The following ARFGEF1 variants were observed in gnomAD, a reference collection of about 807,000 sequenced individuals.
The protein encoded by ARFGEF1 is ARF guanine nucleotide exchange factor 1.
A neutral mutation model predicts 231.0 loss-of-function variants in ARFGEF1; 42 were observed. The ratio of observed to expected loss-of-function variants is 0.18; its 90% CI spans 0.14 to 0.24. ARFGEF1 has a LOEUF of 0.24. ARFGEF1 is among the 10% of genes least tolerant of loss of function. The pLI is 1.00. For synonymous variants in ARFGEF1, 710 were observed against 732.3 expected, an observed-to-expected ratio of 0.97 and a Z score of 0.49; for missense variants, 1,345 against 2,192.0, an observed-to-expected ratio of 0.61 and a Z score of 7.72.
chr8:67,221,852 C>T (rs1250275403), intron 29 of ARFGEF1, among the ~76,000 whole-genome samples: 2 of 149,022 alleles, frequency 1.3e-5, no homozygotes, highest in Admixed American at 6.7e-5. Flanking sequence ...CTTGCTCTGT[C>T]GCCCAGGCTG....
At chr8:67,184,185 T>C (rs1013470931) in intron 5 of ARFGEF1, among the ~76,000 whole-genome samples, 6 of 152,168 alleles carry the variant, frequency 3.9e-5, no homozygotes, top group Admixed American at 1.3e-4. Flanking sequence ...TGCTTAAATT[T>C]ATAGGATTGA....
intron 1 of ARFGEF1, among the ~76,000 whole-genome samples, chr8:67,303,575 C>T (rs1459484294): frequency 6.6e-6 from 1 of 151,932 alleles, no homozygotes; most frequent in Non-Finnish European, 1.5e-5. Context: ...GCCAGGCGTG[C>T]TGGTGGTGCG....
chr8:67,314,714 G>A (rs557009507), intron 1 of ARFGEF1, among the ~76,000 whole-genome samples: 3 of 151,038 alleles, frequency 2.0e-5, no homozygotes, highest in Non-Finnish European at 4.4e-5. Flanking sequence ...GTTTGTTCTT[G>A]CAGTCGATCT....
In ARFGEF1 at chr8:67,180,780, C is replaced by G. The variant is rs530164582; in HGVS notation, c.561-5208G>C. Among the ~76,000 whole-genome samples the G allele has an allele frequency of 3.3e-4, 50 of 151,962 alleles. No homozygotes were observed. In the South Asian group the frequency reaches 8.7e-3, roughly 27 times the overall value. On this transcript the variant is annotated intron_variant, in intron 5 of 5. Transcript: ENST00000518789. ...ATTATTTTAATCTATTTATAGTTCT[C>G]TTAATATTTCAGTCAAAAAAGTCAT...
intron 1 of ARFGEF1, among the ~76,000 whole-genome samples, chr8:67,327,917 GTTA>G (rs1271478038): frequency 4.6e-5 from 7 of 151,972 alleles, no homozygotes; most frequent in Admixed American, 6.6e-5. Context: ...GACTACTTGA[GTTA>G]TTTTCATTTT....
At position 67,251,467 on chromosome 8, in the gene ARFGEF1, T is replaced by C. The variant is rs762747418; in HGVS notation, c.2699-17A>G. 6.4e-7 allele frequency: 1 copy of C among 1,560,528 alleles called. No homozygotes were observed. The highest frequency in any genetic ancestry group is 1.2e-5 in the South Asian group (1 of 82,786). ...TGGCTACATCTGAAACAATAAACACTATCAGCATTTTAAATATAAAACATT... is the reference window on the plus strand; with the variant it reads ...TGGCTACATCTGAAACAATAAACACCATCAGCATTTTAAATATAAAACATT... On this transcript the variant is annotated splice_polypyrimidine_tract_variant and intron_variant, in intron 18 of 38. Coordinates refer to ENST00000262215, the MANE Select transcript of ARFGEF1 (RefSeq NM_006421.5).
intron 5 of ARFGEF1, among the ~76,000 whole-genome samples, chr8:67,294,228 C>A (rs1025867350): frequency 1.3e-5 from 2 of 152,078 alleles, no homozygotes; most frequent in African/African-American, 4.8e-5. Flanking sequence ...ACTTGAGTAT[C>A]CACAGATTTT....
At chr8:67,303,995 C>T (rs1162926796) in intron 1 of ARFGEF1, among the ~76,000 whole-genome samples, 4 of 152,252 alleles carry the variant, frequency 2.6e-5, no homozygotes, top group East Asian at 3.9e-4. Flanking sequence ...ATGGCTTGGA[C>T]GTATGGCTAA....
chr8:67,203,438 A>G (rs1423323155), intron 35 of ARFGEF1, among the ~76,000 whole-genome samples, 187 bp from the exon 36 acceptor site: 1 of 152,152 alleles, frequency 6.6e-6, no homozygotes, highest in Non-Finnish European at 1.5e-5. Context: ...ACCACCTCCC[A>G]TTAGTCCAGA....
At chr8:67,298,343 A>G (rs117685159) in intron 4 of ARFGEF1, among the ~76,000 whole-genome samples, 2,703 of 152,316 alleles carry the variant, frequency 0.018, 39 homozygotes, top group Admixed American at 0.043. Flanking sequence ...CAGAATGAAA[A>G]CATTACTAAT....
chr8:67,326,216 TAAAAG>T (rs1807826523), intron 1 of ARFGEF1, among the ~76,000 whole-genome samples: 1 of 151,488 alleles, frequency 6.6e-6, no homozygotes, highest in Admixed American at 6.6e-5. Flanking sequence ...AAAAAAGAAA[TAAAAG>T]AAAAAGAACA....
downstream of ARFGEF1, among the ~76,000 whole-genome samples, chr8:67,194,709 A>C (rs1214228572): frequency 6.6e-6 from 1 of 151,964 alleles, no homozygotes; most frequent in East Asian, 1.9e-4. Context: ...AAAGAATATG[A>C]TATCACAGGG....
chr8:67,193,738 A>G (rs1403283328), downstream of ARFGEF1: 2 of 644,406 alleles, frequency 3.1e-6, no homozygotes, highest in Non-Finnish European at 5.0e-6. Flanking sequence ...CCCAAGACAT[A>G]GTAACTATTG....
At chr8:67,178,185 G>A (rs951566614) in intron 5 of ARFGEF1, among the ~76,000 whole-genome samples, 2 of 152,166 alleles carry the variant, frequency 1.3e-5, no homozygotes, top group Non-Finnish European at 2.9e-5. Flanking sequence ...GGCCCATTAT[G>A]AGTGCAGTGT....
chr8:67,310,537 AGT>A (rs1309557987), intron 1 of ARFGEF1, among the ~76,000 whole-genome samples: 4 of 152,168 alleles, frequency 2.6e-5, no homozygotes, highest in South Asian at 4.2e-4. Flanking sequence ...GGAAGTGAGG[AGT>A]GTCTCTGCCT....
chr8:67,260,898 G>A (rs1178080826), intron 14 of ARFGEF1, among the ~76,000 whole-genome samples: 1 of 152,188 alleles, frequency 6.6e-6, no homozygotes, highest in African/African-American at 2.4e-5. Context: ...CAGCCTAACT[G>A]CTGATATGGA....
chr8:67,331,085 C>A (rs1422769243), intron 1 of ARFGEF1, among the ~76,000 whole-genome samples: 1 of 151,714 alleles, frequency 6.6e-6, no homozygotes, highest in East Asian at 1.9e-4. Flanking sequence ...TAAGAAACAA[C>A]GAAGACTAGT....
chr8:67,211,368 A>AAAAAG lies in ARFGEF1; in HGVS notation c.4819+114_4819+115insCTTTT, dbSNP rs1176673836. On this transcript the variant is annotated intron_variant, in intron 34 of 38. Coordinates refer to ENST00000262215, the MANE Select transcript of ARFGEF1 (RefSeq NM_006421.5). ...CTCAAAAAAAAAAAAAAAAAAAAGA[A>AAAAAG]GTGATGACACAATCAATTATAGTAT... 4.0e-4 allele frequency: 236 copies of AAAAAG among 597,074 alleles called. 3 individuals carry two copies. The African/African-American group carries it at 4.7e-3, about 12-fold the overall frequency. The allele number at this position is 597,074 out of a possible 1,614,324, so 37.0% of individuals were successfully genotyped here.
At chr8:67,195,434 T>C, downstream of ARFGEF1, 2 of 1,614,238 alleles carry the variant, frequency 1.2e-6, no homozygotes, top group Non-Finnish European at 1.7e-6. Flanking sequence ...ACATAGGGGA[T>C]GACGGATCAA....
Sources: gnomAD v4.1 joint callset for allele counts (sites outside exome capture counted in the v4.1 genomes callset) on GRCh38, gnomAD v4.1.1 for gene constraint, MANE v1.5 for transcripts, NCBI Gene and HGNC (gene_info 2026-07-23, HGNC 2026-07-21) for gene names.